Variants in PAPSS1 observed in about 807,000 individuals in gnomAD.
PAPSS1 encodes the protein bifunctional 3'-phosphoadenosine 5'-phosphosulfate synthase 1.
PAPSS1 carries 50 observed loss-of-function variants against 72.0 expected under a neutral mutation model. The observed-to-expected ratio is 0.69, with a 90% CI of 0.55 to 0.88. PAPSS1 has a LOEUF of 0.88. Ranked by LOEUF, PAPSS1 falls within the 40% of genes least tolerant of loss-of-function variation. PAPSS1 has a pLI of 0.00. For missense variants in PAPSS1, 657 were observed against 782.2 expected (o/e 0.84, Z 1.91); for synonymous variants, 261 against 263.6 (o/e 0.99, Z 0.09).
At chr4:107,687,629 CCTCT>C (rs1406109485) in intron 3 of PAPSS1, among the ~76,000 whole-genome samples, 1 of 148,668 alleles carries the variant, frequency 6.7e-6, no homozygotes, top group Non-Finnish European at 1.5e-5. Flanking sequence ...AGCCACTTCT[CCTCT>C]CTAACACTCC....
At chr4:107,672,365 C>T (rs995396382) in intron 5 of PAPSS1, among the ~76,000 whole-genome samples, 2 of 152,248 alleles carry the variant, frequency 1.3e-5, no homozygotes, top group African/African-American at 4.8e-5. Context: ...GTCACTCCCA[C>T]CCTAATGCCG....
At chr4:107,708,318 A>G (rs1723392394) in intron 1 of PAPSS1, among the ~76,000 whole-genome samples, 1 of 152,160 alleles carries the variant, frequency 6.6e-6, no homozygotes, top group South Asian at 2.1e-4. Flanking sequence ...AAGCAGTGGC[A>G]CCTCTTTAGC....
chr4:107,686,845 A>G (rs886163792), intron 4 of PAPSS1, among the ~76,000 whole-genome samples, 194 bp downstream of exon 4: 8 of 152,172 alleles, frequency 5.3e-5, no homozygotes, highest in African/African-American at 1.9e-4. Context: ...CAAAAGGATC[A>G]ACAAGACTCA....
intron 1 of PAPSS1, 93 bp downstream of exon 1, chr4:107,720,027 T>A (rs1723739586): frequency 1.3e-6 from 2 of 1,560,848 alleles, no homozygotes; most frequent in East Asian, 5.0e-5. Context: ...GAAGGATGGA[T>A]GCGGAGGAGG....
intron 3 of PAPSS1, among the ~76,000 whole-genome samples, chr4:107,691,370 T>A (rs1472082614): frequency 1.3e-5 from 2 of 152,188 alleles, no homozygotes; most frequent in Non-Finnish European, 2.9e-5. Flanking sequence ...GGAGGTTAAG[T>A]GTGCTGGACA....
chr4:107,656,554 T>G (rs1178310836), intron 7 of PAPSS1, among the ~76,000 whole-genome samples: 1 of 152,212 alleles, frequency 6.6e-6, no homozygotes, highest in Non-Finnish European at 1.5e-5. Context: ...GCTTCAGTAC[T>G]GCAAAACGCA....
intron 11 of PAPSS1, among the ~76,000 whole-genome samples, chr4:107,630,814 G>A (rs1348918496): frequency 6.6e-6 from 1 of 152,108 alleles, no homozygotes; most frequent in Non-Finnish European, 1.5e-5. Context: ...TATGCCTCTA[G>A]ATACTCACCT....
At chr4:107,707,509 C>A (rs1003445144) in intron 1 of PAPSS1, among the ~76,000 whole-genome samples, 1 of 152,148 alleles carries the variant, frequency 6.6e-6, no homozygotes, top group Non-Finnish European at 1.5e-5. Context: ...CGGGGGCCTG[C>A]CTTGCACTGA....
At chr4:107,694,070 C>CT (rs57931480) in intron 2 of PAPSS1, 64 bp from the exon 3 acceptor site, 30 of 1,052,720 alleles carry the variant, frequency 2.8e-5, no homozygotes, top group African/African-American at 2.8e-4. Flanking sequence ...TGTAGTAATA[C>CT]TTTTTTTTTC....
At chr4:107,649,769 A>G (rs920418258) in intron 9 of PAPSS1, among the ~76,000 whole-genome samples, 20 of 152,256 alleles carry the variant, frequency 1.3e-4, no homozygotes, top group African/African-American at 4.8e-4. Context: ...ATTTATTAAC[A>G]CTGTACTACC....
chr4:107,628,774 C>T (rs1726159117), intron 11 of PAPSS1, among the ~76,000 whole-genome samples: 1 of 152,194 alleles, frequency 6.6e-6, no homozygotes, highest in African/African-American at 2.4e-5. Context: ...AAGAGCTACA[C>T]ATTTTGGGCT....
chr4:107,719,865 G>T (rs1442711342), intron 1 of PAPSS1: 1 of 1,348,498 alleles, frequency 7.4e-7, no homozygotes, highest in Non-Finnish European at 9.5e-7. Context: ...GCTGGGGAGG[G>T]GGGGCGTTCT....
intron 5 of PAPSS1, among the ~76,000 whole-genome samples, chr4:107,676,891 C>A (rs4543212): frequency 0.85 from 128,787 of 152,056 alleles, 55,936 homozygotes; most frequent in South Asian, 0.97. Flanking sequence ...CATATCTACA[C>A]CCATCTGATC....
At chr4:107,628,575 G>C (rs968575534) in intron 11 of PAPSS1, among the ~76,000 whole-genome samples, 10 of 152,124 alleles carry the variant, frequency 6.6e-5, no homozygotes, top group African/African-American at 2.4e-4. Flanking sequence ...CAGTAGAGCT[G>C]ACACTGATAA....
In PAPSS1 at chr4:107,623,932, A is replaced by G. The variant is rs571873983; in HGVS notation, c.1736+7699T>C. Among the ~76,000 whole-genome samples, 3 of 152,336 alleles carry G rather than the reference A, an allele frequency of 2.0e-5. No homozygotes were observed. The East Asian group carries it at 5.8e-4, about 29-fold the overall frequency. On this transcript the variant is annotated intron_variant, in intron 11 of 11. Coordinates refer to ENST00000265174, the MANE Select transcript of PAPSS1 (RefSeq NM_005443.5). ...ATGTTTCATTTAATCCAGCATTTTTAATTTCTTCAGAAAGGCAATCTGTTA... is the reference window on the plus strand; with the variant it reads ...ATGTTTCATTTAATCCAGCATTTTTGATTTCTTCAGAAAGGCAATCTGTTA...
chr4:107,638,574 A>T (rs565099169), intron 10 of PAPSS1, among the ~76,000 whole-genome samples: 1 of 152,210 alleles, frequency 6.6e-6, no homozygotes, highest in African/African-American at 2.4e-5. Context: ...CAGAGTGGAG[A>T]CAACAAGCCT....
At chr4:107,685,136 A>C (rs1451194430) in intron 4 of PAPSS1, among the ~76,000 whole-genome samples, 1 of 152,128 alleles carries the variant, frequency 6.6e-6, no homozygotes, top group Non-Finnish European at 1.5e-5. Flanking sequence ...GAATCTCTTC[A>C]AATATTTTAC....
intron 2 of PAPSS1, among the ~76,000 whole-genome samples, chr4:107,697,613 T>C (rs1261000526): frequency 6.6e-6 from 1 of 152,182 alleles, no homozygotes; most frequent in Non-Finnish European, 1.5e-5. Flanking sequence ...CTGTTGAAAA[T>C]TGAATTACTG....
chr4:107,615,738 C>A (rs765248111), intron 11 of PAPSS1, among the ~76,000 whole-genome samples: 1 of 152,070 alleles, frequency 6.6e-6, no homozygotes, highest in Non-Finnish European at 1.5e-5. Context: ...AAACTATATA[C>A]AAACATTGCT....
Sources: allele counts gnomAD v4.1 joint callset (sites outside exome capture counted in the v4.1 genomes callset), GRCh38; gene constraint gnomAD v4.1.1; transcripts MANE v1.5; gene names NCBI Gene and HGNC (gene_info 2026-07-23, HGNC 2026-07-21).